ABCC5: variants seen among roughly 807,000 people sequenced by gnomAD.
ABCC5 encodes ATP binding cassette subfamily C member 5, also known as ATP-binding cassette sub-family C member 5.
Under a neutral mutation model 160.9 loss-of-function variants are expected in ABCC5, and 61 were observed. The ratio of observed to expected loss-of-function variants is 0.38; its 90% confidence interval spans 0.31 to 0.47. The LOEUF is 0.47. Ranked by LOEUF, ABCC5 falls within the 20% of genes least tolerant of loss-of-function variation. The pLI is 0.99. For missense variants in ABCC5, 1,308 were observed against 1,813.3 expected (o/e 0.72, Z 5.06); for synonymous variants, 666 against 700.6 (o/e 0.95, Z 0.78).
At chr3:183,933,572 A>C (rs1196259195) in intron 26 of ABCC5, among the ~76,000 whole-genome samples, 1 of 152,178 alleles carries the variant, frequency 6.6e-6, no homozygotes, top group Non-Finnish European at 1.5e-5. Flanking sequence ...GGCAATCATG[A>C]GGGCAAAACA....
In ABCC5 at chr3:183,971,549, G is replaced by C. The variant is rs1391529664; in HGVS notation, c.1761+14C>G. ...GTGGGGTGCGGGCAGGGAGGCAGGGGGCGGACCACTTACCTCTTGGATCTC... is the reference window on the plus strand; with the variant it reads ...GTGGGGTGCGGGCAGGGAGGCAGGGCGCGGACCACTTACCTCTTGGATCTC... On this transcript the variant is annotated intron_variant, in intron 11 of 29. Coordinates refer to ENST00000334444, the MANE Select transcript of ABCC5 (RefSeq NM_005688.4). The C allele has an allele frequency of 6.2e-7, 1 of 1,610,120 alleles. No homozygotes were observed. The highest frequency in any genetic ancestry group is 1.3e-5 in the African/African-American group (1 of 74,840).
In ABCC5 at chr3:184,004,514, A is replaced by T. The variant is rs972241510; in HGVS notation, c.129+9750T>A. Reference sequence around the variant, plus strand: ...TGACAGAGACTCCGTCTCAAAAAAAAAAAAAAAAAAAAAGGCCAAAATATA... The same window carrying T: ...TGACAGAGACTCCGTCTCAAAAAAATAAAAAAAAAAAAAGGCCAAAATATA... On this transcript the variant is annotated intron_variant, in intron 2 of 29. Transcript: ENST00000334444. 1.2e-3 allele frequency among the ~76,000 whole-genome samples: 186 copies of T among 151,952 alleles called. 1 individual carries two copies. Among genetic ancestry groups the T allele is most frequent in the African/African-American group, 4.1e-3 (172 of 41,450 alleles).
intron 2 of ABCC5, among the ~76,000 whole-genome samples, chr3:183,999,726 C>A (rs768550693): frequency 2.0e-5 from 3 of 152,092 alleles, no homozygotes; most frequent in Non-Finnish European, 4.4e-5. Flanking sequence ...GTACAGTGAG[C>A]CATGATTGCA....
At chr3:183,970,526 C>T (rs1407107684) in intron 11 of ABCC5, among the ~76,000 whole-genome samples, 1 of 151,702 alleles carries the variant, frequency 6.6e-6, no homozygotes, top group East Asian at 1.9e-4. Context: ...CTCACTGTAA[C>T]CTACACCTCC....
Position 183,988,443 on chromosome 3 carries a change from T to A in ABCC5, c.443+129A>T. 1 of 1,159,652 alleles carries A rather than the reference T, an allele frequency of 8.6e-7. No individual in the cohort carries two copies. The highest frequency in any genetic ancestry group is 1.2e-6 in the Non-Finnish European group (1 of 834,572). 71.8% of individuals were successfully genotyped at this position (1,159,652 alleles called of 1,614,324 possible). A position where few individuals can be genotyped will look rare whatever the true frequency, so the allele number is the denominator to read the frequency against. Reference sequence around the variant, plus strand: ...AAGCAAAAGAGCAAAGAGAAAGTCATCCCCAGGCCGCCCGCCCTCCACTGG... The same window carrying A: ...AAGCAAAAGAGCAAAGAGAAAGTCAACCCCAGGCCGCCCGCCCTCCACTGG... On this transcript the variant is annotated intron_variant, in intron 4 of 29. Coordinates refer to ENST00000334444, the MANE Select transcript of ABCC5 (RefSeq NM_005688.4). The surrounding 1 kb of genome is among the most constrained non-coding windows in gnomAD (Gnocchi z 4.4).
chr3:183,953,373 G>A (rs1357225282), intron 17 of ABCC5, 103 bp from the exon 18 acceptor site: 3 of 1,014,914 alleles, frequency 3.0e-6, no homozygotes, highest in Non-Finnish European at 4.2e-6. Context: ...CAGCTTCACA[G>A]GGGTCTAGAT....
At chr3:183,965,539 A>G (rs1472304853) in intron 12 of ABCC5, 38 bp from the exon 13 acceptor site, 1 of 1,611,896 alleles carries the variant, frequency 6.2e-7, no homozygotes, top group African/African-American at 1.3e-5. Flanking sequence ...ATCATAACTC[A>G]AAACCATCAC....
intron 1 of ABCC5, among the ~76,000 whole-genome samples, chr3:184,014,750 C>A (rs1722054776): frequency 6.6e-6 from 1 of 151,790 alleles, no homozygotes; most frequent in Non-Finnish European, 1.5e-5. Flanking sequence ...AAGCTCAAAT[C>A]CAGTGTATAC....
chr3:183,927,161 A>G (rs184289342), intron 28 of ABCC5, among the ~76,000 whole-genome samples, 169 bp downstream of exon 28: 1 of 152,354 alleles, frequency 6.6e-6, no homozygotes, highest in African/African-American at 2.4e-5. Flanking sequence ...CTCCCTCCCC[A>G]GAACCAATAT....
Position 183,959,782 on chromosome 3 carries a change from A to G in ABCC5, c.2433T>C (p.Gly811=), listed in dbSNP as rs1716555968. The change falls in exon 17 of 30, where the codon GGT becomes GGC. Residue 811 remains glycine, a synonymous_variant. Coordinates refer to ENST00000334444, the MANE Select transcript of ABCC5 (RefSeq NM_005688.4). ...SGSQKKSQDK[G]PKTGSVKKEK... Reference sequence around the variant, plus strand: ...CCTTCTTTACTGATCCTGTTTTAGGACCCTTGTCTTGTGACTTCTTCTGTG... The same window carrying G: ...CCTTCTTTACTGATCCTGTTTTAGGGCCCTTGTCTTGTGACTTCTTCTGTG... 6.2e-7 allele frequency: 1 copy of G among 1,612,636 alleles called. No individual in the cohort carries two copies. The highest frequency in any genetic ancestry group is 8.5e-7 in the Non-Finnish European group (1 of 1,179,422).
chr3:184,010,010 A>T (rs751181242), intron 2 of ABCC5: 72 of 434,962 alleles, frequency 1.7e-4, no homozygotes, highest in African/African-American at 1.3e-3. Flanking sequence ...AATTTAATAA[A>T]AAATAAAAGT....
chr3:183,961,828 G>A (rs1203012176), intron 15 of ABCC5, among the ~76,000 whole-genome samples, 174 bp from the exon 16 acceptor site: 2 of 152,124 alleles, frequency 1.3e-5, no homozygotes, highest in Non-Finnish European at 1.5e-5. Context: ...CGTTCACGCT[G>A]GAGCGTGGTG....
chr3:184,012,304 A>T (rs1265712835), intron 2 of ABCC5, among the ~76,000 whole-genome samples: 1 of 152,116 alleles, frequency 6.6e-6, no homozygotes, highest in African/African-American at 2.4e-5. Context: ...AATATTTCTT[A>T]GCATGGCATG....
intron 2 of ABCC5, among the ~76,000 whole-genome samples, chr3:184,012,014 A>AAC (rs3031485): frequency 0.07 from 10,243 of 145,400 alleles, 367 homozygotes; most frequent in South Asian, 0.11. Flanking sequence ...CATAGAACAC[A>AAC]ACACACACAC....
At position 183,953,071 on chromosome 3, in the gene ABCC5, T is replaced by TA; in HGVS notation, c.2667+14dup. On this transcript the variant is annotated intron_variant, in intron 18 of 29. Coordinates refer to ENST00000334444, the MANE Select transcript of ABCC5 (RefSeq NM_005688.4). ...TTCTTAGACACAGAACTTTCCCATT[T>TA]ATGAGTAACCTTACCCCGCTTCCTT... The TA allele has an allele frequency of 6.2e-7, 1 of 1,608,876 alleles. No individual in the cohort carries two copies. Among genetic ancestry groups the TA allele is most frequent in the Non-Finnish European group, 8.5e-7 (1 of 1,177,516 alleles).
chr3:183,989,157 CAAAAAAAAAAAAAAA>C (rs34892836), intron 3 of ABCC5, 54 bp downstream of exon 3: 166 of 570,218 alleles, frequency 2.9e-4, no homozygotes, highest in Non-Finnish European at 2.8e-4. Flanking sequence ...GACTCCATCT[CAAAAAAAAAAAAAAA>C]AAAAAAAAAA....
intron 2 of ABCC5, among the ~76,000 whole-genome samples, chr3:183,993,720 A>G (rs1719987701): frequency 6.6e-6 from 1 of 152,190 alleles, no homozygotes; most frequent in South Asian, 2.1e-4. Flanking sequence ...GATTATTTCT[A>G]TGTGGCAAAA....
intron 2 of ABCC5, among the ~76,000 whole-genome samples, chr3:184,009,492 TTTTATACCA>T (rs1281030459): frequency 6.6e-6 from 1 of 152,214 alleles, no homozygotes; most frequent in Non-Finnish European, 1.5e-5. Flanking sequence ...ACATTATCCA[TTTTATACCA>T]TTTATACAAT....
chr3:183,942,764 A>G lies in ABCC5; in HGVS notation c.3657T>C (p.Pro1219=), dbSNP rs1714491717. Residue 1219 remains proline (P), a synonymous_variant, in exon 25 of 30, where the codon CCT becomes CCC. Transcript: ENST00000334444. ...VLKKVSFTIK[P]KEKIGIVGRT... is the part of the protein sequence containing the mutation. ...GCCCCACAATGCCAATCTTCTCTTT[A>G]GGTTTGATCGTGAAGGATACTTTCT... The G allele has an allele frequency of 6.2e-7, 1 of 1,614,040 alleles. No homozygotes were observed. The highest frequency in any genetic ancestry group is 1.1e-5 in the South Asian group (1 of 91,076).
Sources: allele counts gnomAD v4.1 joint callset (sites outside exome capture counted in the v4.1 genomes callset), GRCh38; gene constraint gnomAD v4.1.1; non-coding constraint Gnocchi (gnomAD v3.1); transcripts MANE v1.5; gene names NCBI Gene and HGNC (gene_info 2026-07-23, HGNC 2026-07-21).